KANK1: variants seen among roughly 807,000 people sequenced by gnomAD.
KANK1 encodes the protein KN motif and ankyrin repeat domains 1.
KANK1 carries 109 observed loss-of-function variants against 106.2 expected under a neutral mutation model. The observed-to-expected ratio is 1.03, with a 90% CI of 0.88 to 1.20. The LOEUF (loss-of-function observed/expected upper bound fraction) is 1.20. KANK1 is among the 50% of genes most tolerant of loss of function. The pLI, the probability that KANK1 is intolerant of heterozygous loss-of-function variation, is 0.00. For synonymous variants in KANK1, 873 were observed against 652.2 expected (o/e 1.34, Z -5.16); for missense variants, 2,399 against 1,710.7 (o/e 1.40, Z -7.10).
At chr9:598,716 C>T (rs769938414) in intron 1 of KANK1, among the ~76,000 whole-genome samples, 44 of 140,646 alleles carry the variant, frequency 3.1e-4, no homozygotes, top group Non-Finnish European at 5.6e-4. Context: ...CTGCAACCTC[C>T]TCCTCCTGGG....
chr9:737,944 T>C (rs969345559), intron 7 of KANK1, among the ~76,000 whole-genome samples: 1 of 152,244 alleles, frequency 6.6e-6, no homozygotes, highest in Non-Finnish European at 1.5e-5. Context: ...TATCCAGTTT[T>C]TCAGATGAGG....
intron 3 of KANK1, among the ~76,000 whole-genome samples, chr9:498,094 C>G (rs555497079): frequency 6.6e-6 from 1 of 152,304 alleles, no homozygotes; most frequent in African/African-American, 2.4e-5. Context: ...TCTGATCCAA[C>G]TTACTCTGTG....
rs146962597 is a variant in KANK1 at position 669,191 on chromosome 9, T to C, written c.-83-7699T>C. ...TTGCTGTAGCTGTTAGGGTTTTTGA[T>C]AGATTTGTCTTCTAGGTGTCATACT... is the stretch of plus-strand genomic sequence containing the variant. On this transcript the variant is annotated intron_variant, in intron 1 of 11. Coordinates refer to ENST00000382297, the MANE Select transcript of KANK1 (RefSeq NM_015158.5). Among the ~76,000 whole-genome samples the C allele has an allele frequency of 4.8e-3, 737 of 152,348 alleles. 12 individuals are homozygous for C. Among genetic ancestry groups the C allele is most frequent in the African/African-American group, 0.017 (718 of 41,580 alleles).
rs1827625627 is a variant in KANK1 at position 601,073 on chromosome 9, G to GT, written c.-83-75816dup. ...AGCCAGATGGAAGTGAGGAGTAAGA[G>GT]TAACCACAGTTGCTTTCCTCTTCCA... is the stretch of plus-strand genomic sequence containing the variant. On this transcript the variant is annotated intron_variant, in intron 1 of 11. Coordinates refer to ENST00000382297, the MANE Select transcript of KANK1 (RefSeq NM_015158.5). Among the ~76,000 whole-genome samples, 4 of 151,794 alleles carry GT rather than the reference G, an allele frequency of 2.6e-5. No individual in the cohort carries two copies. The South Asian group carries it at 8.3e-4, about 32-fold the overall frequency.
At position 745,015 on chromosome 9, in the gene KANK1, A is replaced by G. The variant is rs1456767842; in HGVS notation, c.3997-158A>G. On this transcript the variant is annotated intron_variant, in intron 11 of 11. Transcript: ENST00000382297. ...CACTGCTGAGCCCAGCTGGCCTTGG[A>G]GCTGTGGACACCTGTTCCCTGTTCT... 9 of 1,504,676 alleles carry G rather than the reference A, an allele frequency of 6.0e-6. No individual in the cohort carries two copies. The Admixed American group carries it at 2.1e-4, about 35-fold the overall frequency. 93.2% of individuals were successfully genotyped at this position (1,504,676 alleles called of 1,614,324 possible).
intron 2 of KANK1, chr9:684,372 GT>G: frequency 1.0e-6 from 1 of 985,328 alleles, no homozygotes; most frequent in Non-Finnish European, 1.2e-6. Context: ...TTTTTGCCTG[GT>G]ACCAACTTTA....
intron 2 of KANK1, among the ~76,000 whole-genome samples, chr9:690,919 T>C (rs1269372257): frequency 6.6e-6 from 1 of 152,210 alleles, no homozygotes; most frequent in Non-Finnish European, 1.5e-5. Context: ...CTGGCTACTC[T>C]CCGCCTGTCA....
intron 1 of KANK1, chr9:540,693 T>G (rs1039181088): frequency 6.6e-6 from 1 of 152,242 alleles, no homozygotes; most frequent in Non-Finnish European, 1.5e-5. Context: ...TTCAATCTCC[T>G]TACTTACTAT....
Position 738,367 on chromosome 9 carries a change from A to G in KANK1, c.3416A>G (p.Tyr1139Cys), listed in dbSNP as rs371377616. The G allele has an allele frequency of 1.6e-5, 26 of 1,614,176 alleles. No individual in the cohort carries two copies. Among genetic ancestry groups the G allele is most frequent in the Middle Eastern group, 1.6e-4 (1 of 6,062 alleles). ...KSAIPAMVGD[Y>C]IAAFEAISPD... is the part of the protein sequence containing the mutation. Reference sequence around the variant, plus strand: ...GCCATTCCAGCCATGGTGGGGGACTACATAGCTGCTTTTGAGGCCATTTCC... The same window carrying G: ...GCCATTCCAGCCATGGTGGGGGACTGCATAGCTGCTTTTGAGGCCATTTCC... The change falls in exon 8 of 12, where the codon TAC becomes TGC. Residue 1139 changes from tyrosine (Y) to cysteine (C), a missense_variant. Transcript: ENST00000382297.
At chr9:698,133 C>G (rs779139214) in intron 2 of KANK1, among the ~76,000 whole-genome samples, 1 of 152,140 alleles carries the variant, frequency 6.6e-6, no homozygotes, top group Non-Finnish European at 1.5e-5. Context: ...TGGTCAGATG[C>G]GGGTGGATAG....
intron 1 of KANK1, chr9:660,227 G>A (rs766344035): frequency 2.3e-5 from 6 of 258,196 alleles, no homozygotes; most frequent in African/African-American, 4.5e-5. Flanking sequence ...AGAATATGGA[G>A]GTCATTCAGC....
In KANK1 at chr9:732,779, A is replaced by G. The variant is rs10815563; in HGVS notation, c.3245+162A>G. 258,630 of 719,024 alleles carry G rather than the reference A, an allele frequency of 0.36. 47,722 individuals are homozygous for G. Among genetic ancestry groups the G allele is most frequent in the Non-Finnish European group, 0.38 (169,871 of 447,614 alleles). The allele number at this position is 719,024 out of a possible 1,614,324, so 44.5% of individuals were successfully genotyped here. Reference sequence around the variant, plus strand: ...CTAATATATACAAGTGCAGAGTATTACAACTCTTAGATCTCTTATGGTAGA... The same window carrying G: ...CTAATATATACAAGTGCAGAGTATTGCAACTCTTAGATCTCTTATGGTAGA... On this transcript the variant is annotated intron_variant, in intron 6 of 11. Transcript: ENST00000382297.
rs72689642 is a variant in KANK1 at position 570,649 on chromosome 9, C to G, written c.-84+65895C>G. ...TGGAGACTTATTCTCCTTTTTAACACCACTTGCCTCCAGTAACTTACACTA... is the reference window on the plus strand; with the variant it reads ...TGGAGACTTATTCTCCTTTTTAACAGCACTTGCCTCCAGTAACTTACACTA... On this transcript the variant is annotated intron_variant, in intron 1 of 11. Coordinates refer to ENST00000382297, the MANE Select transcript of KANK1 (RefSeq NM_015158.5). Among the ~76,000 whole-genome samples, 715 of 152,306 alleles carry G rather than the reference C, an allele frequency of 4.7e-3. 9 individuals are homozygous for G. The highest frequency in any genetic ancestry group is 0.016 in the African/African-American group (674 of 41,574).
At chr9:656,305 G>C (rs1242030264) in intron 1 of KANK1, among the ~76,000 whole-genome samples, 1 of 152,190 alleles carries the variant, frequency 6.6e-6, no homozygotes, top group African/African-American at 2.4e-5. Flanking sequence ...GGAGGAAAGA[G>C]TTTAAGTCCC....
At position 708,563 on chromosome 9, in the gene KANK1, T is replaced by G. The variant is rs1824979272; in HGVS notation, c.38-2241T>G. On this transcript the variant is annotated intron_variant, in intron 2 of 11. Coordinates refer to ENST00000382297, the MANE Select transcript of KANK1 (RefSeq NM_015158.5). ...AAGGAATATACGTCCTTTTTATTCC[T>G]CTGCTTGGCAATCTTATTTTTGTAC... Among the ~76,000 whole-genome samples, 3 of 152,188 alleles carry G rather than the reference T, an allele frequency of 2.0e-5. No homozygotes were observed. In the South Asian group the frequency reaches 6.2e-4, roughly 32 times the overall value.
At chr9:493,366 C>T (rs942120539) in intron 3 of KANK1, among the ~76,000 whole-genome samples, 1 of 152,038 alleles carries the variant, frequency 6.6e-6, no homozygotes, top group African/African-American at 2.4e-5. Context: ...GAAGCCTTCT[C>T]AGAAGTGGAT....
chr9:711,062 A>G lies in KANK1; in HGVS notation c.296A>G (p.Asp99Gly), dbSNP rs761620231. ...TESLSSSNSDDNKQCPNFLIA... is the reference protein window; with the variant it reads ...TESLSSSNSDGNKQCPNFLIA... Reference sequence around the variant, plus strand: ...TCCCTCTCATCCTCCAACAGTGATGACAACAAGCAGTGCCCCAACTTCCTC... The same window carrying G: ...TCCCTCTCATCCTCCAACAGTGATGGCAACAAGCAGTGCCCCAACTTCCTC... The change falls in exon 3 of 12, where the codon GAC (aspartate) becomes GGC (glycine). Residue 99 changes from aspartate to glycine, a missense_variant. Transcript: ENST00000382297. 4 of 1,613,552 alleles carry G rather than the reference A, an allele frequency of 2.5e-6. No homozygotes were observed. In the African/African-American group the frequency reaches 4.0e-5, roughly 16 times the overall value.
chr9:549,796 A>G (rs776489926), intron 1 of KANK1: 1 of 152,208 alleles, frequency 6.6e-6, no homozygotes, highest in Non-Finnish European at 1.5e-5. Flanking sequence ...GTAAATCCTC[A>G]CGCAGGTGGC....
intron 3 of KANK1, among the ~76,000 whole-genome samples, chr9:727,191 T>C (rs1490061665): frequency 6.6e-6 from 1 of 152,202 alleles, no homozygotes; most frequent in Non-Finnish European, 1.5e-5. Flanking sequence ...AACAATAGCC[T>C]TCTGTGTCTT....
Sources: gnomAD v4.1 joint callset for allele counts (sites outside exome capture counted in the v4.1 genomes callset) on GRCh38, gnomAD v4.1.1 for gene constraint, MANE v1.5 for transcripts, NCBI Gene and HGNC (gene_info 2026-07-23, HGNC 2026-07-21) for gene names.